The following WDR17 variants were observed in gnomAD, a reference collection of about 807,000 sequenced individuals.
WDR17 encodes the protein WD repeat domain 17, also known as WD repeat-containing protein 17.
In WDR17, 143 loss-of-function variants were observed where a neutral mutation model predicts 161.7. The observed-to-expected ratio is 0.88, with a 90% confidence interval of 0.77 to 1.02. The LOEUF (loss-of-function observed/expected upper bound fraction) is 1.02. Ranked by LOEUF, WDR17 falls within the 50% of genes least tolerant of loss-of-function variation. WDR17 has a pLI of 0.00. For missense variants in WDR17, 1,469 were observed against 1,520.9 expected (o/e 0.97, Z 0.57); for synonymous variants, 517 against 515.6 (o/e 1.00, Z -0.04).
chr4:176,167,474 G>A (rs1215262839), intron 22 of WDR17, among the ~76,000 whole-genome samples: 1 of 150,124 alleles, frequency 6.7e-6, no homozygotes, highest in African/African-American at 2.4e-5. Context: ...GTGAAACCCC[G>A]TCTCTACTAA....
chr4:176,106,513 T>A (rs7669858), intron 1 of WDR17, among the ~76,000 whole-genome samples: 150,196 of 152,320 alleles, frequency 0.99, 74,080 homozygotes, highest in East Asian at 1. Flanking sequence ...ACCAATATCT[T>A]TAAAGCTTTT....
At chr4:176,163,119 A>G (rs368884301) in intron 21 of WDR17, 35 bp from the exon 22 acceptor site, 77 of 1,613,764 alleles carry the variant, frequency 4.8e-5, no homozygotes, top group African/African-American at 8.0e-5. Context: ...CCCAGCTTCT[A>G]TGCAACTGAA....
Position 176,172,432 on chromosome 4 carries a change from G to C in WDR17, c.3160G>C (p.Asp1054His). ...MQLAETARAD[D>H]NIFETVKYYL... ...GTTAGCTGAGACAGCCCGTGCAGAT[G>C]ACAATATATTTGAAACTGTAAAATA... Residue 1054 changes from aspartate to histidine, a missense_variant, in exon 24 of 29, where the codon GAC becomes CAC. Transcript: ENST00000508596. 1 of 1,612,440 alleles carries C rather than the reference G, an allele frequency of 6.2e-7. No homozygotes were observed. Among genetic ancestry groups the C allele is most frequent in the Non-Finnish European group, 8.5e-7 (1 of 1,179,576 alleles).
chr4:176,122,876 C>T (rs910715480), intron 4 of WDR17, among the ~76,000 whole-genome samples: 9 of 152,086 alleles, frequency 5.9e-5, no homozygotes, highest in Non-Finnish European at 1.2e-4. Context: ...TGTTTGTATA[C>T]TTATGTGTGT....
At chr4:176,133,378 TAAAAAAAAAA>T (rs571544131) in intron 7 of WDR17, among the ~76,000 whole-genome samples, 33,329 of 73,034 alleles carry the variant, frequency 0.46, 4,674 homozygotes, top group Middle Eastern at 0.52. Context: ...TCTACTAAGC[TAAAAAAAAAA>T]AAAAAAAAAA....
chr4:176,103,768 A>G (rs1409261855), intron 1 of WDR17, among the ~76,000 whole-genome samples: 1 of 152,096 alleles, frequency 6.6e-6, no homozygotes, highest in Non-Finnish European at 1.5e-5. Context: ...GAAGGGACAT[A>G]AGGGACACTA....
chr4:176,147,041 A>C (rs1746293396), intron 12 of WDR17, among the ~76,000 whole-genome samples: 1 of 151,696 alleles, frequency 6.6e-6, no homozygotes, highest in African/African-American at 2.4e-5. Flanking sequence ...TAATTTTTGT[A>C]TTTTTGGTAC....
At chr4:176,095,607 A>C (rs1489497105) in intron 1 of WDR17, among the ~76,000 whole-genome samples, 2 of 150,332 alleles carry the variant, frequency 1.3e-5, no homozygotes, top group Admixed American at 6.6e-5. Context: ...CCCCTCCCCT[A>C]CCCTCCTTCC....
At chr4:176,163,367 G>T in intron 22 of WDR17, 74 bp downstream of exon 22, 1 of 1,477,998 alleles carries the variant, frequency 6.8e-7, no homozygotes, top group South Asian at 1.4e-5. Context: ...AATTCCATTT[G>T]ATAAGATATG....
chr4:176,170,664 A>C (rs372123880), intron 23 of WDR17, among the ~76,000 whole-genome samples: 16 of 152,322 alleles, frequency 1.1e-4, no homozygotes, highest in African/African-American at 3.4e-4. Flanking sequence ...GAATATAGGC[A>C]GTTAGCTAAG....
Position 176,149,809 on chromosome 4 carries a change from T to G in WDR17, c.1900T>G (p.Leu634Val), listed in dbSNP as rs748500610. Residue 634 changes from leucine (L) to valine (V), a missense_variant and splice_region_variant, in exon 14 of 29, where the codon TTA (leucine) becomes GTA (valine). By Grantham distance (32) the Leu-to-Val change is conservative (BLOSUM62 1). Coordinates refer to ENST00000508596, the MANE Select transcript of WDR17 (RefSeq NM_181265.4). ...VYDHGADVYGLTCHPSRPFTM... is the reference protein window; with the variant it reads ...VYDHGADVYGVTCHPSRPFTM... ...AAATAGGTTTTTATTTTCATCAGGT[T>G]TAACCTGCCATCCCAGTCGCCCCTT... 1.2e-6 allele frequency: 2 copies of G among 1,612,160 alleles called. No individual in the cohort carries two copies. Among genetic ancestry groups the G allele is most frequent in the East Asian group, 2.2e-5 (1 of 44,852 alleles).
chr4:176,139,910 T>C lies in WDR17; in HGVS notation c.1378T>C (p.Phe460Leu). 6.2e-7 allele frequency: 1 copy of C among 1,610,638 alleles called. No homozygotes were observed. Among genetic ancestry groups the C allele is most frequent in the Non-Finnish European group, 8.5e-7 (1 of 1,178,348 alleles). The change falls in exon 10 of 29, where the codon TTC becomes CTC. Residue 460 changes from phenylalanine (F) to leucine (L), a missense_variant. Coordinates refer to ENST00000508596, the MANE Select transcript of WDR17 (RefSeq NM_181265.4). ...RFNEHGTNGI[F>L]CIAWSHKDSK... ...TTTGAAGCATGGAACAAATGGAATA[T>C]TCTGCATTGCCTGGAGTCATAAAGA... is the stretch of plus-strand genomic sequence containing the variant.
rs551712632 is a variant in WDR17 at position 176,145,971 on chromosome 4, A to G, written c.1530-24A>G. On this transcript the variant is annotated intron_variant, in intron 11 of 28. Coordinates refer to ENST00000508596, the MANE Select transcript of WDR17 (RefSeq NM_181265.4). ...TTATATATCATATTTATCCTATGTCAATATTCCATTGATGATATTTCAGAG... is the reference window on the plus strand; with the variant it reads ...TTATATATCATATTTATCCTATGTCGATATTCCATTGATGATATTTCAGAG... 346 of 1,600,514 alleles carry G rather than the reference A, an allele frequency of 2.2e-4. 2 individuals are homozygous for G. In the South Asian group the frequency reaches 3.6e-3, roughly 17 times the overall value.
chr4:176,115,673 A>G (rs548631673), intron 2 of WDR17, 123 bp from the exon 3 acceptor site: 5 of 663,502 alleles, frequency 7.5e-6, no homozygotes, highest in African/African-American at 1.9e-5. Context: ...ATATGTTCAT[A>G]TCTTTATTAT....
chr4:176,110,845 C>T (rs1739598316), intron 1 of WDR17, among the ~76,000 whole-genome samples: 1 of 152,184 alleles, frequency 6.6e-6, no homozygotes, highest in South Asian at 2.1e-4. Flanking sequence ...TCCTTATTTC[C>T]TGAAGTCTCA....
At chr4:176,114,827 G>A (rs115389858) in intron 2 of WDR17, among the ~76,000 whole-genome samples, 57 of 151,674 alleles carry the variant, frequency 3.8e-4, no homozygotes, top group African/African-American at 1.2e-3. Context: ...ACCTCAGTAG[G>A]AGAATGAATA....
At chr4:176,112,047 C>T (rs1366799110) in intron 2 of WDR17, among the ~76,000 whole-genome samples, 1 of 152,146 alleles carries the variant, frequency 6.6e-6, no homozygotes, top group African/African-American at 2.4e-5. Flanking sequence ...CGTGTCCTAG[C>T]TCCATTCAGA....
Position 176,179,488 on chromosome 4 carries a change from A to T in WDR17, c.3761A>T (p.Lys1254Ile). The T allele has an allele frequency of 1.9e-6, 3 of 1,601,156 alleles. No homozygotes were observed. Among genetic ancestry groups the T allele is most frequent in the Non-Finnish European group, 2.6e-6 (3 of 1,172,740 alleles). ...QGPVFFLEDG[K>I]SAISLNDALM... Reference sequence around the variant, plus strand: ...CCTGTGTTTTTCCTTGAAGACGGGAAATCTGCTATCTCCTTGAATGATGCT... The same window carrying T: ...CCTGTGTTTTTCCTTGAAGACGGGATATCTGCTATCTCCTTGAATGATGCT... The change falls in exon 29 of 29, where the codon AAA becomes ATA. Residue 1254 changes from lysine to isoleucine, a missense_variant. By Grantham distance (102) the Lys-to-Ile change is moderately radical. Transcript: ENST00000508596.
chr4:176,165,068 TG>T (rs1417570668), intron 22 of WDR17, among the ~76,000 whole-genome samples: 1 of 151,852 alleles, frequency 6.6e-6, no homozygotes, highest in Non-Finnish European at 1.5e-5. Flanking sequence ...GGCTCACGCC[TG>T]TAATCCCAGC....
Sources: allele counts gnomAD v4.1 joint callset (sites outside exome capture counted in the v4.1 genomes callset), GRCh38; gene constraint gnomAD v4.1.1; transcripts MANE v1.5; gene names NCBI Gene and HGNC (gene_info 2026-07-23, HGNC 2026-07-21).